Variants in TFCP2L1 observed in about 807,000 individuals in gnomAD.
TFCP2L1 encodes the protein transcription factor CP2 like 1.
Under a neutral mutation model 72.2 loss-of-function variants are expected in TFCP2L1, and 12 were observed. That is an observed-to-expected ratio of 0.17 (90% CI 0.11 to 0.27). The LOEUF is 0.27. Among genes scored for constraint, TFCP2L1 ranks in the 10% least tolerant of loss-of-function variants. TFCP2L1 has a pLI of 1.00. For synonymous variants in TFCP2L1, 260 were observed against 251.0 expected (o/e 1.04, Z -0.34); for missense variants, 488 against 624.6 (o/e 0.78, Z 2.33).
intron 10 of TFCP2L1, 143 bp downstream of exon 10, chr2:121,237,480 T>C: frequency 2.2e-6 from 2 of 908,264 alleles, no homozygotes; most frequent in Non-Finnish European, 3.4e-6. Context: ...TTGGGGCACG[T>C]GAGCGAGCGA....
intron 2 of TFCP2L1, among the ~76,000 whole-genome samples, chr2:121,258,444 T>G (rs1280564854): frequency 1.3e-5 from 2 of 152,192 alleles, no homozygotes; most frequent in Non-Finnish European, 2.9e-5. Context: ...AACAAAATGG[T>G]CAGCAATCAC....
At chr2:121,263,085 G>GCCA (rs557337902) in intron 2 of TFCP2L1, among the ~76,000 whole-genome samples, 36 of 152,158 alleles carry the variant, frequency 2.4e-4, no homozygotes, top group Non-Finnish European at 4.9e-4. Context: ...ACAGGCATGC[G>GCCA]CCACCACGTC....
At chr2:121,224,410 G>T in intron 14 of TFCP2L1, 23 bp from the exon 15 acceptor site, 1 of 1,612,702 alleles carries the variant, frequency 6.2e-7, no homozygotes, top group African/African-American at 1.3e-5. Context: ...AACACTGGGT[G>T]TATTTCACAG....
At chr2:121,248,350 C>T (rs1686532670) in intron 4 of TFCP2L1, 80 bp from the exon 5 acceptor site, 2 of 1,183,060 alleles carry the variant, frequency 1.7e-6, no homozygotes, top group South Asian at 1.5e-5. Flanking sequence ...TGTTACAGGT[C>T]CCAATTCCTT....
intron 2 of TFCP2L1, among the ~76,000 whole-genome samples, chr2:121,263,218 G>A (rs767412250): frequency 2.6e-5 from 4 of 152,214 alleles, no homozygotes; most frequent in African/African-American, 4.8e-5. Flanking sequence ...TTACAGGCAT[G>A]AGCCACCATG....
intron 10 of TFCP2L1, among the ~76,000 whole-genome samples, chr2:121,236,210 G>A (rs973858868): frequency 3.9e-5 from 6 of 152,160 alleles, no homozygotes; most frequent in Admixed American, 6.5e-5. Context: ...CTCTCTGAAC[G>A]TTCTCATACA....
chr2:121,281,404 G>A, intron 1 of TFCP2L1, 133 bp from the exon 2 acceptor site: 3 of 964,422 alleles, frequency 3.1e-6, no homozygotes, highest in Non-Finnish European at 3.0e-6. Context: ...CAGGGTGCTG[G>A]CTGCACTCCT....
chr2:121,234,071 C>T lies in TFCP2L1; in HGVS notation c.1198+20G>A. 1 of 1,608,908 alleles carries T rather than the reference C, an allele frequency of 6.2e-7. No individual in the cohort carries two copies. The highest frequency in any genetic ancestry group is 8.5e-7 in the Non-Finnish European group (1 of 1,176,910). ...GCGGGACCCAATGTGTGGGTCCCAG[C>T]TCTGCTCCCCACAACTCACCAGACA... On this transcript the variant is annotated intron_variant, in intron 12 of 14. Transcript: ENST00000263707.
intron 12 of TFCP2L1, 69 bp from the exon 13 acceptor site, chr2:121,232,037 C>A: frequency 6.6e-7 from 1 of 1,508,512 alleles, no homozygotes; most frequent in South Asian, 1.3e-5. Flanking sequence ...CCCACCCGCC[C>A]TGAGAAAGCA....
At position 121,237,581 on chromosome 2, in the gene TFCP2L1, C is replaced by T. The variant is rs759705144; in HGVS notation, c.1003+42G>A. On this transcript the variant is annotated intron_variant, in intron 10 of 14. Transcript: ENST00000263707. ...AAGGTGGCCAGCCTTGAAGTGTCTC[C>T]AAGATACTCATGGGCTTTAAACACA... 84 of 1,609,426 alleles carry T rather than the reference C, an allele frequency of 5.2e-5. 1 individual carries two copies. The East Asian group carries it at 1.7e-3, about 33-fold the overall frequency.
chr2:121,228,374 T>C (rs1686073428), intron 13 of TFCP2L1, among the ~76,000 whole-genome samples: 1 of 151,990 alleles, frequency 6.6e-6, no homozygotes, highest in Non-Finnish European at 1.5e-5. Flanking sequence ...GCTCACAGCA[T>C]GTCCACCTTC....
intron 2 of TFCP2L1, among the ~76,000 whole-genome samples, chr2:121,265,758 A>G (rs1381932995): frequency 6.6e-6 from 1 of 152,122 alleles, no homozygotes; most frequent in African/African-American, 2.4e-5. Context: ...TGCTAGGATT[A>G]CAGGCGTGAG....
In TFCP2L1 at chr2:121,216,678, G is replaced by A. The variant is rs1573345764; in HGVS notation, c.*7663C>T. 1 of 152,286 alleles carries A rather than the reference G, an allele frequency of 6.6e-6. No homozygotes were observed. Among genetic ancestry groups the A allele is most frequent in the African/African-American group, 2.4e-5 (1 of 41,532 alleles). The allele number at this position is 152,286 out of a possible 1,614,324, so 9.4% of individuals were successfully genotyped here. A position where few individuals can be genotyped will look rare whatever the true frequency, so the allele number is the denominator to read the frequency against. ...TCCGCACTATGGTACAGTAACAAGTGCAAAATATGCTTTATTTCAGGTACA... is the reference window on the plus strand; with the variant it reads ...TCCGCACTATGGTACAGTAACAAGTACAAAATATGCTTTATTTCAGGTACA... On this transcript the variant is annotated 3_prime_UTR_variant, in exon 15 of 15. Transcript: ENST00000263707.
Position 121,231,845 on chromosome 2 carries a change from T to A in TFCP2L1, c.1322A>T (p.His441Leu), listed in dbSNP as rs1401073169. 1 of 1,612,802 alleles carries A rather than the reference T, an allele frequency of 6.2e-7. No individual in the cohort carries two copies. Among genetic ancestry groups the A allele is most frequent in the Non-Finnish European group, 8.5e-7 (1 of 1,179,434 alleles). Residue 441 changes from histidine (H) to leucine (L), a missense_variant, in exon 13 of 15, where the codon CAT becomes CTT. Transcript: ENST00000263707. ...RVYRQGPTGI[H>L]VVVSNEMVQN... The stretch of plus-strand genomic sequence containing the variant: ...CCTCACCTCGTTGCTCACCACCACA[T>A]GGATGCCCGTGGGGCCCTGCCGGTA...
intron 13 of TFCP2L1, among the ~76,000 whole-genome samples, chr2:121,227,643 T>C (rs896287369): frequency 1.1e-4 from 17 of 151,942 alleles, no homozygotes; most frequent in African/African-American, 3.9e-4. Context: ...ATCACATCAC[T>C]GCACTTCAGC....
chr2:121,237,203 C>T (rs1453846001), intron 10 of TFCP2L1, among the ~76,000 whole-genome samples: 2 of 152,216 alleles, frequency 1.3e-5, no homozygotes, highest in Non-Finnish European at 2.9e-5. Context: ...GGAAGAGCCC[C>T]CTTTCTGTCT....
intron 2 of TFCP2L1, among the ~76,000 whole-genome samples, chr2:121,254,691 T>C (rs769916652): frequency 6.6e-6 from 1 of 151,990 alleles, no homozygotes; most frequent in East Asian, 1.9e-4. Context: ...GCAGCTATTC[T>C]ACTCAGGAGG....
chr2:121,249,806 TCTGGA>T (rs377279553), intron 2 of TFCP2L1, among the ~76,000 whole-genome samples, 159 bp from the exon 3 acceptor site: 5 of 152,346 alleles, frequency 3.3e-5, no homozygotes, highest in African/African-American at 1.2e-4. Context: ...CAGCTCACTC[TCTGGA>T]CTGACATCAG....
At position 121,237,481 on chromosome 2, in the gene TFCP2L1, G is replaced by A. The variant is rs534798404; in HGVS notation, c.1003+142C>T. ...CACTTGGCCCAGGGTTGGGGCACGTGAGCGAGCGAACCCACACTATCTCGG... is the reference window on the plus strand; with the variant it reads ...CACTTGGCCCAGGGTTGGGGCACGTAAGCGAGCGAACCCACACTATCTCGG... On this transcript the variant is annotated intron_variant, in intron 10 of 14. Coordinates refer to ENST00000263707, the MANE Select transcript of TFCP2L1 (RefSeq NM_014553.3). 1.0e-4 allele frequency: 95 copies of A among 915,226 alleles called. 2 individuals carry two copies. The African/African-American group carries it at 1.3e-3, about 13-fold the overall frequency. The allele number at this position is 915,226 out of a possible 1,614,324, so 56.7% of individuals were successfully genotyped here. A position where few individuals can be genotyped will look rare whatever the true frequency, so the allele number is the denominator to read the frequency against.
Sources: gnomAD v4.1 joint callset for allele counts (sites outside exome capture counted in the v4.1 genomes callset) on GRCh38, gnomAD v4.1.1 for gene constraint, MANE v1.5 for transcripts, NCBI Gene and HGNC (gene_info 2026-07-23, HGNC 2026-07-21) for gene names.